Variants in GLDN observed in about 807,000 individuals in gnomAD.
The protein encoded by GLDN is collomin.
A neutral mutation model predicts 56.5 loss-of-function variants in GLDN; 47 were observed. The observed-to-expected ratio is 0.83, with a 90% confidence interval of 0.66 to 1.06. The LOEUF (loss-of-function observed/expected upper bound fraction) is 1.06. Ranked by LOEUF, GLDN falls within the 50% of genes least tolerant of loss-of-function variation. The probability of loss-of-function intolerance (pLI) is 0.00; values close to 1 mark genes in which losing one functional copy is unlikely to be tolerated. For missense variants in GLDN, 782 were observed against 714.3 expected, an observed-to-expected ratio of 1.09 and a Z score of -1.08; for synonymous variants, 332 against 278.8, an observed-to-expected ratio of 1.19 and a Z score of -1.90.
intron 1 of GLDN, among the ~76,000 whole-genome samples, chr15:51,368,314 G>T (rs547818556): frequency 2.6e-5 from 4 of 152,244 alleles, no homozygotes; most frequent in African/African-American, 9.6e-5. Context: ...GCGAAAAAGT[G>T]AGCCAGTGAC....
downstream of GLDN, among the ~76,000 whole-genome samples, chr15:51,412,686 T>G (rs1286004410): frequency 6.6e-6 from 1 of 151,304 alleles, no homozygotes; most frequent in African/African-American, 2.4e-5. Flanking sequence ...AAGCTTTGTG[T>G]TTTTTTTCTT....
In GLDN at chr15:51,352,769, A is replaced by T. The variant is rs146551253; in HGVS notation, c.363+10722A>T. 1.3e-4 allele frequency among the ~76,000 whole-genome samples: 20 copies of T among 152,364 alleles called. No homozygotes were observed. In the East Asian group the frequency reaches 3.8e-3, roughly 29 times the overall value. On this transcript the variant is annotated intron_variant, in intron 1 of 9. Coordinates refer to ENST00000335449, the MANE Select transcript of GLDN (RefSeq NM_181789.4). ...TATGACAGTGAAAGAAATCTGACCT[A>T]ACTGGCTCCATCTTGCTTTTAACCT...
chr15:51,383,481 A>G (rs759253059), intron 3 of GLDN, 28 bp downstream of exon 3: 1 of 1,613,208 alleles, frequency 6.2e-7, no homozygotes, highest in Non-Finnish European at 8.5e-7. Flanking sequence ...TTCTAGTTCA[A>G]GGGGAGGCTG....
chr15:51,383,592 C>T (rs992052027), intron 3 of GLDN, 139 bp downstream of exon 3: 3 of 1,111,350 alleles, frequency 2.7e-6, no homozygotes, highest in Non-Finnish European at 4.0e-6. Context: ...GTGCCCCTCA[C>T]CTGAGGCTCT....
intron 1 of GLDN, among the ~76,000 whole-genome samples, chr15:51,357,674 C>T (rs1415990218): frequency 2.6e-5 from 4 of 152,198 alleles, no homozygotes; most frequent in Non-Finnish European, 4.4e-5. Context: ...TCATCCCGAA[C>T]TCCCAGCACT....
Position 51,404,428 on chromosome 15 carries a change from G to A in GLDN, c.1330G>A (p.Gly444Ser), listed in dbSNP as rs146269128. ...LWIIYASSVDGSSILVAQLDE... is the reference protein window; with the variant it reads ...LWIIYASSVDSSSILVAQLDE... ...GATTATCTATGCGTCAAGTGTGGAC[G>A]GCTCGAGCATTCTTGTAGCACAACT... is the stretch of plus-strand genomic sequence containing the variant. Residue 444 changes from glycine (G) to serine (S), a missense_variant, in exon 10 of 10, where the codon GGC becomes AGC. Physicochemically the swap from Gly to Ser is moderately conservative, Grantham distance 56. Coordinates refer to ENST00000335449, the MANE Select transcript of GLDN (RefSeq NM_181789.4). The A allele has an allele frequency of 3.2e-5, 51 of 1,614,128 alleles. No individual in the cohort carries two copies. The highest frequency in any genetic ancestry group is 4.0e-5 in the Non-Finnish European group (47 of 1,180,026).
intron 1 of GLDN, chr15:51,377,167 C>T: frequency 2.1e-6 from 1 of 467,290 alleles, no homozygotes. Context: ...ATACCAGCAT[C>T]ACCACAAACA....
chr15:51,405,229 A>T lies in GLDN; in HGVS notation c.*475A>T. The T allele has an allele frequency of 1.3e-5, 2 of 156,742 alleles. No individual in the cohort carries two copies. The highest frequency in any genetic ancestry group is 1.9e-4 in the South Asian group (1 of 5,318). The allele number at this position is 156,742 out of a possible 1,614,324, so 9.7% of individuals were successfully genotyped here. A position where few individuals can be genotyped will look rare whatever the true frequency, so the allele number is the denominator to read the frequency against. Reference sequence around the variant, plus strand: ...TCTTGTTCTTTGAAAAAATGCATTGACTCTTTAAGACATCTAAAGTATCAC... The same window carrying T: ...TCTTGTTCTTTGAAAAAATGCATTGTCTCTTTAAGACATCTAAAGTATCAC... On this transcript the variant is annotated 3_prime_UTR_variant, in exon 10 of 10. Transcript: ENST00000335449.
At chr15:51,353,082 T>C (rs2037105223) in intron 1 of GLDN, among the ~76,000 whole-genome samples, 1 of 152,192 alleles carries the variant, frequency 6.6e-6, no homozygotes, top group African/African-American at 2.4e-5. Context: ...TTTTTTAGAC[T>C]CTGCATTCTG....
intron 1 of GLDN, among the ~76,000 whole-genome samples, chr15:51,352,275 T>C (rs12441073): frequency 0.26 from 39,869 of 152,002 alleles, 5,519 homozygotes; most frequent in Admixed American, 0.31. Flanking sequence ...TTTATGATTT[T>C]ATAAAATCAT....
At chr15:51,404,179 C>T (rs547039623) in intron 9 of GLDN, 98 bp from the exon 10 acceptor site, 2 of 927,254 alleles carry the variant, frequency 2.2e-6, no homozygotes, top group East Asian at 4.8e-5. Context: ...CAGCCCTCAC[C>T]CCAGACCCAC....
chr15:51,352,218 G>A (rs1223178088), intron 1 of GLDN, among the ~76,000 whole-genome samples: 3 of 152,026 alleles, frequency 2.0e-5, no homozygotes, highest in Non-Finnish European at 4.4e-5. Context: ...TGGTGGAAGG[G>A]CAAGGCAGCT....
Position 51,378,246 on chromosome 15 carries a change from ACTTATTTTGG to A in GLDN, c.415+748_415+757del, listed in dbSNP as rs1256212926. On this transcript the variant is annotated intron_variant, in intron 2 of 9. Coordinates refer to ENST00000335449, the MANE Select transcript of GLDN (RefSeq NM_181789.4). ...CCACATCCAAGTCTGACTCTCTTTC[ACTTATTTTGG>A]CCTCAGAGAGAAAAACTATAATTCT... is the stretch of plus-strand genomic sequence containing the variant. 2.6e-5 allele frequency among the ~76,000 whole-genome samples: 4 copies of A among 152,320 alleles called. No individual in the cohort carries two copies. The South Asian group carries it at 8.3e-4, about 32-fold the overall frequency.
chr15:51,385,812 C>T (rs1321426463), intron 4 of GLDN, among the ~76,000 whole-genome samples: 2 of 152,180 alleles, frequency 1.3e-5, no homozygotes, highest in African/African-American at 4.8e-5. Flanking sequence ...GCCAGGGCAG[C>T]TGGACAGAAG....
intron 2 of GLDN, 67 bp from the exon 3 acceptor site, chr15:51,383,369 G>T: frequency 6.5e-7 from 1 of 1,537,866 alleles, no homozygotes; most frequent in South Asian, 1.1e-5. Flanking sequence ...AGATTTGAAG[G>T]TCGGGGGTGC....
At chr15:51,387,203 A>G (rs550818774) in intron 4 of GLDN, among the ~76,000 whole-genome samples, 1 of 152,216 alleles carries the variant, frequency 6.6e-6, no homozygotes, top group East Asian at 1.9e-4. Flanking sequence ...CAAGACGAGC[A>G]CCAGGAGAGG....
chr15:51,384,739 A>G (rs1275970677), intron 4 of GLDN: 2 of 152,384 alleles, frequency 1.3e-5, no homozygotes, highest in East Asian at 3.8e-4. Flanking sequence ...GGAGGCTCCT[A>G]CGAAGGCCTG....
intron 1 of GLDN, among the ~76,000 whole-genome samples, chr15:51,376,287 T>C (rs1205208928): frequency 1.3e-5 from 2 of 152,230 alleles, no homozygotes; most frequent in Non-Finnish European, 2.9e-5. Context: ...CTGAATGCTG[T>C]AGGCAACTGT....
chr15:51,377,349 C>T, intron 1 of GLDN, 100 bp from the exon 2 acceptor site: 3 of 991,578 alleles, frequency 3.0e-6, no homozygotes, highest in Non-Finnish European at 4.7e-6. Context: ...CCTAAAGTTA[C>T]TTGGTGACTT....
Sources: gnomAD v4.1 joint callset for allele counts (sites outside exome capture counted in the v4.1 genomes callset) on GRCh38, gnomAD v4.1.1 for gene constraint, MANE v1.5 for transcripts, NCBI Gene and HGNC (gene_info 2026-07-23, HGNC 2026-07-21) for gene names.